The following ZBTB20 variants were observed in gnomAD, a reference collection of about 807,000 sequenced individuals.
ZBTB20 encodes the protein zinc finger and BTB domain containing 20, also known as zinc finger and BTB domain-containing protein 20.
ZBTB20 carries 9 observed loss-of-function variants against 56.9 expected under a neutral mutation model. The ratio of observed to expected loss-of-function variants is 0.16; its 90% CI spans 0.10 to 0.28. The LOEUF (loss-of-function observed/expected upper bound fraction) is 0.28, where lower values mean the gene tolerates loss of function less well. ZBTB20 is among the 10% of genes least tolerant of loss of function. The probability of loss-of-function intolerance (pLI) is 1.00; values close to 1 mark genes in which losing one functional copy is unlikely to be tolerated. For synonymous variants in ZBTB20, 417 were observed against 420.7 expected, an observed-to-expected ratio of 0.99 and a Z score of 0.11; for missense variants, 655 against 1,003.0, an observed-to-expected ratio of 0.65 and a Z score of 4.69.
At chr3:114,713,095 T>C (rs1187009056) in intron 5 of ZBTB20, among the ~76,000 whole-genome samples, 1 of 152,216 alleles carries the variant, frequency 6.6e-6, no homozygotes, top group South Asian at 2.1e-4. Context: ...GTATACCATA[T>C]GAAGTGCAAA....
At chr3:114,494,523 C>G (rs2043073553) in intron 7 of ZBTB20, among the ~76,000 whole-genome samples, 1 of 152,194 alleles carries the variant, frequency 6.6e-6, no homozygotes, top group Admixed American at 6.6e-5. Flanking sequence ...TTGTCTCATT[C>G]CTTATAATTC....
chr3:114,637,737 G>T (rs1408468115), intron 6 of ZBTB20, among the ~76,000 whole-genome samples: 2 of 152,014 alleles, frequency 1.3e-5, no homozygotes, highest in East Asian at 3.9e-4. Context: ...TATCTTCAAA[G>T]AATAAAGGAA....
At chr3:114,749,884 G>A (rs1366704263) in intron 5 of ZBTB20, among the ~76,000 whole-genome samples, 1 of 152,196 alleles carries the variant, frequency 6.6e-6, no homozygotes, top group African/African-American at 2.4e-5. Flanking sequence ...GCTTGGCACA[G>A]AGAGGTCACT....
At chr3:114,969,840 A>G (rs890207990) in intron 3 of ZBTB20, among the ~76,000 whole-genome samples, 2 of 152,210 alleles carry the variant, frequency 1.3e-5, no homozygotes, top group African/African-American at 2.4e-5. Flanking sequence ...TATGAACCCA[A>G]TACTTCATGT....
At chr3:114,808,047 G>T (rs2072246624) in intron 4 of ZBTB20, among the ~76,000 whole-genome samples, 1 of 152,078 alleles carries the variant, frequency 6.6e-6, no homozygotes, top group Non-Finnish European at 1.5e-5. Flanking sequence ...AGAAAAGTTT[G>T]TGAAATACTG....
At chr3:114,832,270 T>C (rs148428010) in intron 4 of ZBTB20, among the ~76,000 whole-genome samples, 1,752 of 152,260 alleles carry the variant, frequency 0.012, 16 homozygotes, top group South Asian at 0.041. Context: ...ACCAGGTTGA[T>C]ACAACAGTCA....
intron 7 of ZBTB20, among the ~76,000 whole-genome samples, chr3:114,411,491 G>T (rs2087944936): frequency 6.6e-6 from 1 of 152,134 alleles, no homozygotes. Flanking sequence ...ACCACATCCG[G>T]TCTAGTTACC....
chr3:114,575,591 TAA>T (rs11338329), intron 6 of ZBTB20, among the ~76,000 whole-genome samples: 1,946 of 138,346 alleles, frequency 0.014, 42 homozygotes, highest in African/African-American at 0.045. Flanking sequence ...CTTTAAAAAA[TAA>T]AAAAAAAAAA....
At chr3:114,751,916 T>C (rs1172494688) in intron 5 of ZBTB20, among the ~76,000 whole-genome samples, 1 of 152,252 alleles carries the variant, frequency 6.6e-6, no homozygotes, top group African/African-American at 2.4e-5. Flanking sequence ...TTTTGAATTG[T>C]TTTGTTAGTA....
intron 4 of ZBTB20, among the ~76,000 whole-genome samples, chr3:114,883,459 T>C (rs185684458): frequency 6.6e-6 from 1 of 152,328 alleles, no homozygotes; most frequent in Admixed American, 6.5e-5. Flanking sequence ...GAAGCTGACT[T>C]GTTGAATCTA....
intron 10 of ZBTB20, among the ~76,000 whole-genome samples, chr3:114,367,606 T>C (rs999124065): frequency 6.6e-6 from 1 of 152,144 alleles, no homozygotes; most frequent in Non-Finnish European, 1.5e-5. Context: ...AAAAGGAACT[T>C]AACAGGTTAA....
chr3:114,752,186 G>A (rs558778182), intron 5 of ZBTB20, among the ~76,000 whole-genome samples: 2 of 152,134 alleles, frequency 1.3e-5, no homozygotes, highest in South Asian at 2.1e-4. Context: ...CAATAATTTG[G>A]TAAAGATCAC....
chr3:115,146,034 T>C (rs1238833806), intron 1 of ZBTB20, among the ~76,000 whole-genome samples: 3 of 152,334 alleles, frequency 2.0e-5, no homozygotes, highest in Non-Finnish European at 2.9e-5. Flanking sequence ...GAGAAGATTT[T>C]CACATGTCTA....
chr3:115,143,968 A>G (rs2084893560), intron 1 of ZBTB20, among the ~76,000 whole-genome samples: 1 of 152,232 alleles, frequency 6.6e-6, no homozygotes, highest in Non-Finnish European at 1.5e-5. Flanking sequence ...CTAACAATCT[A>G]AAATGCACAA....
intron 5 of ZBTB20, among the ~76,000 whole-genome samples, chr3:114,698,965 GA>G (rs970853699): frequency 2.0e-5 from 3 of 152,064 alleles, no homozygotes; most frequent in Non-Finnish European, 4.4e-5. Context: ...GAATGCACTA[GA>G]AAGGCCTGAA....
At chr3:114,910,450 G>A (rs1209763693) in intron 3 of ZBTB20, among the ~76,000 whole-genome samples, 4 of 151,722 alleles carry the variant, frequency 2.6e-5, no homozygotes, top group African/African-American at 9.7e-5. Context: ...CTTGTATAAG[G>A]CCCTTGAACA....
chr3:114,616,470 G>A lies in ZBTB20; in HGVS notation c.-295+77058C>T, dbSNP rs145571322. On this transcript the variant is annotated intron_variant, in intron 6 of 11. Coordinates refer to ENST00000675478, the MANE Select transcript of ZBTB20 (RefSeq NM_001348800.3). ...CAAGCTATGGACACTTCTGCAGCAG[G>A]ATCTGGGTGCCAGTCATCTTGGTTC... Among the ~76,000 whole-genome samples, 502 of 152,240 alleles carry A rather than the reference G, an allele frequency of 3.3e-3. 2 individuals are homozygous for A. The highest frequency in any genetic ancestry group is 0.011 in the African/African-American group (472 of 41,538).
intron 7 of ZBTB20, among the ~76,000 whole-genome samples, chr3:114,465,253 T>C (rs2092494991): frequency 1.3e-5 from 2 of 152,198 alleles, no homozygotes; most frequent in Admixed American, 6.5e-5. Context: ...AATTCGTACA[T>C]ATTTTAACAT....
intron 10 of ZBTB20, among the ~76,000 whole-genome samples, chr3:114,363,400 T>C (rs1001471822): frequency 6.6e-6 from 1 of 152,210 alleles, no homozygotes; most frequent in Non-Finnish European, 1.5e-5. Context: ...TCTGTTTTTA[T>C]CTCACCTTTT....
Sources: gnomAD v4.1 joint callset for allele counts (sites outside exome capture counted in the v4.1 genomes callset) on GRCh38, gnomAD v4.1.1 for gene constraint, MANE v1.5 for transcripts, NCBI Gene and HGNC (gene_info 2026-07-23, HGNC 2026-07-21) for gene names.